The following MYO9B variants were observed in gnomAD, a reference collection of about 807,000 sequenced individuals.
MYO9B encodes myosin IXB, also known as unconventional myosin-IXb.
A neutral mutation model predicts 229.5 loss-of-function variants in MYO9B; 71 were observed. The observed-to-expected ratio is 0.31, with a 90% confidence interval of 0.26 to 0.38. The LOEUF (loss-of-function observed/expected upper bound fraction) is 0.38. Among genes scored for constraint, MYO9B ranks in the 10% least tolerant of loss-of-function variants. MYO9B has a pLI of 1.00. For missense variants in MYO9B, 2,255 were observed against 2,920.5 expected, an observed-to-expected ratio of 0.77 and a Z score of 5.25; for synonymous variants, 1,185 against 1,235.8, an observed-to-expected ratio of 0.96 and a Z score of 0.86.
chr19:17,154,727 C>A (rs535516076), intron 6 of MYO9B, among the ~76,000 whole-genome samples: 1 of 152,222 alleles, frequency 6.6e-6, no homozygotes, highest in Admixed American at 6.5e-5. Flanking sequence ...TTTGGGAGGC[C>A]AAGGTGGAGG....
At chr19:17,155,471 G>A (rs1007117730) in intron 6 of MYO9B, among the ~76,000 whole-genome samples, 2 of 152,164 alleles carry the variant, frequency 1.3e-5, no homozygotes, top group African/African-American at 4.8e-5. Flanking sequence ...ACAAGCCACC[G>A]CGCCCAGCAA....
At chr19:17,190,887 C>T (rs2072977099) in intron 19 of MYO9B, among the ~76,000 whole-genome samples, 1 of 152,162 alleles carries the variant, frequency 6.6e-6, no homozygotes, top group African/African-American at 2.4e-5. Flanking sequence ...TCAGGTGATC[C>T]ACACACCTCG....
chr19:17,196,683 CAA>C (rs1279205797), intron 22 of MYO9B, among the ~76,000 whole-genome samples: 10 of 97,128 alleles, frequency 1.0e-4, no homozygotes, highest in Admixed American at 1.1e-4. Flanking sequence ...GACTCCGTCT[CAA>C]AAAAAAAAAA....
Position 17,194,933 on chromosome 19 carries a change from G to T in MYO9B, c.3506G>T (p.Cys1169Phe), listed in dbSNP as rs368925913. ...VKFQNKHIQS[C>F]KEESALREPS... ...TTCCAGAACAAACACATCCAGTCCT[G>T]CAAGGAGGAGAGTGCCCTCAGAGAA... is the stretch of plus-strand genomic sequence containing the variant. Residue 1169 changes from cysteine (C) to phenylalanine (F), a missense_variant, in exon 22 of 40, where the codon TGC becomes TTC. Cys to Phe is a radical substitution (Grantham distance 205). Coordinates refer to ENST00000682292, the MANE Select transcript of MYO9B (RefSeq NM_004145.4). The T allele has an allele frequency of 3.7e-6, 6 of 1,613,418 alleles. No homozygotes were observed. Among genetic ancestry groups the T allele is most frequent in the Non-Finnish European group, 5.1e-6 (6 of 1,179,900 alleles).
At chr19:17,184,109 C>T (rs1420205514) in intron 16 of MYO9B, 6 of 541,562 alleles carry the variant, frequency 1.1e-5, no homozygotes, top group Non-Finnish European at 2.0e-5. Context: ...AGAGGGCTTA[C>T]GTGAGAAGGC....
chr19:17,212,357 T>C lies in MYO9B; in HGVS notation c.*47T>C, dbSNP rs1393600638. ...GCATGTCCGAGGACGGCCCCTGCAC[T>C]GGAGCTGGGCGCCAGAGCTGCAGAG... On this transcript the variant is annotated 3_prime_UTR_variant, in exon 40 of 40. Transcript: ENST00000682292. This position sits in a 1 kb window ranked among gnomAD's most constrained non-coding sequence, Gnocchi z 5.4. 3 of 1,421,894 alleles carry C rather than the reference T, an allele frequency of 2.1e-6. No homozygotes were observed. Among genetic ancestry groups the C allele is most frequent in the Non-Finnish European group, 2.7e-6 (3 of 1,092,002 alleles). 88.1% of individuals were successfully genotyped at this position (1,421,894 alleles called of 1,614,324 possible).
intron 8 of MYO9B, among the ~76,000 whole-genome samples, chr19:17,161,261 G>C (rs566831753): frequency 6.6e-6 from 1 of 151,818 alleles, no homozygotes; most frequent in Non-Finnish European, 1.5e-5. Flanking sequence ...TGGTTGCTCT[G>C]AGGAGCGTAT....
At chr19:17,133,398 T>A (rs968714452) in intron 2 of MYO9B, among the ~76,000 whole-genome samples, 1 of 152,196 alleles carries the variant, frequency 6.6e-6, no homozygotes, top group African/African-American at 2.4e-5. Context: ...TTGAAATTTA[T>A]ATCCTTTGAC....
At chr19:17,079,698 G>C (rs533439515) in intron 1 of MYO9B, among the ~76,000 whole-genome samples, 1 of 152,120 alleles carries the variant, frequency 6.6e-6, no homozygotes, top group Non-Finnish European at 1.5e-5. Flanking sequence ...GATTGGAGGA[G>C]ACGCTCTGGG....
In MYO9B at chr19:17,145,508, G is replaced by GT; in HGVS notation, c.935+18dup. 6.2e-7 allele frequency: 1 copy of GT among 1,607,370 alleles called. No individual in the cohort carries two copies. ...CGTGAGAGGGTGAGGTGTCCCTGGG[G>GT]TCCCCACTGGTGGGAGCTGGCCCCA... On this transcript the variant is annotated intron_variant, in intron 3 of 39. Transcript: ENST00000682292.
chr19:17,202,448 CTT>C, intron 28 of MYO9B, 145 bp downstream of exon 28: 2 of 835,128 alleles, frequency 2.4e-6, no homozygotes, highest in Non-Finnish European at 3.7e-6. Flanking sequence ...TGTGCCATGA[CTT>C]GATCCACTTA....
At position 17,184,040 on chromosome 19, in the gene MYO9B, A is replaced by T. The variant is rs139285919; in HGVS notation, c.2373+172A>T. 2.7e-4 allele frequency: 186 copies of T among 679,070 alleles called. No individual in the cohort carries two copies. The East Asian group carries it at 4.4e-3, about 16-fold the overall frequency. The allele number at this position is 679,070 out of a possible 1,614,324, so 42.1% of individuals were successfully genotyped here. ...TGAGATGATTTAGAGCTGTCTCTTT[A>T]TGGGTTTCCCAGAAGCAGGGTCTGA... On this transcript the variant is annotated intron_variant, in intron 16 of 39. Transcript: ENST00000682292.
chr19:17,209,474 T>A (rs1220852200), intron 35 of MYO9B, 112 bp from the exon 36 acceptor site: 1 of 1,176,398 alleles, frequency 8.5e-7, no homozygotes, highest in Non-Finnish European at 1.2e-6. Flanking sequence ...AGGCACTGCT[T>A]GGTCTCTGAG....
chr19:17,207,287 C>T (rs138921486), intron 35 of MYO9B, 43 bp downstream of exon 35: 6 of 1,573,124 alleles, frequency 3.8e-6, no homozygotes, highest in Non-Finnish European at 4.3e-6. Context: ...AGGGCAGCCC[C>T]ACCCAGGACC....
At chr19:17,185,532 G>A (rs1272073586) in intron 17 of MYO9B, among the ~76,000 whole-genome samples, 1 of 147,904 alleles carries the variant, frequency 6.8e-6, no homozygotes, top group East Asian at 1.9e-4. Context: ...GGCAACAAGA[G>A]CAAGACTGCG....
chr19:17,175,480 G>A (rs1365513830), intron 13 of MYO9B, among the ~76,000 whole-genome samples, 183 bp from the exon 14 acceptor site: 1 of 152,046 alleles, frequency 6.6e-6, no homozygotes, highest in African/African-American at 2.4e-5. Flanking sequence ...TCAGGAGGCG[G>A]AGGCAGGAGA....
At chr19:17,205,580 T>TGA (rs1377853048) in intron 31 of MYO9B, among the ~76,000 whole-genome samples, 1 of 152,176 alleles carries the variant, frequency 6.6e-6, no homozygotes, top group African/African-American at 2.4e-5. Flanking sequence ...TCCTTGCTCC[T>TGA]GAGAGAGTCC....
chr19:17,148,944 C>A (rs2072446766), intron 3 of MYO9B, among the ~76,000 whole-genome samples: 1 of 152,056 alleles, frequency 6.6e-6, no homozygotes, highest in Non-Finnish European at 1.5e-5. Flanking sequence ...GAGGATGATC[C>A]TGAGGCCTTT....
chr19:17,082,953 C>T (rs901387309), intron 1 of MYO9B, among the ~76,000 whole-genome samples: 10 of 148,578 alleles, frequency 6.7e-5, no homozygotes, highest in African/African-American at 2.2e-4. Flanking sequence ...GCCAAGTGAG[C>T]GTGGGGTTGG....
Sources: allele counts gnomAD v4.1 joint callset (sites outside exome capture counted in the v4.1 genomes callset), GRCh38; gene constraint gnomAD v4.1.1; non-coding constraint Gnocchi (gnomAD v3.1); transcripts MANE v1.5; gene names NCBI Gene and HGNC (gene_info 2026-07-23, HGNC 2026-07-21).